Variants in TOM1L1 observed in about 807,000 individuals in gnomAD.
TOM1L1 encodes the protein target of myb1 like 1 membrane trafficking protein.
Under a neutral mutation model 63.4 loss-of-function variants are expected in TOM1L1, and 64 were observed. That is an observed-to-expected ratio of 1.01 (90% confidence interval 0.83 to 1.24). The LOEUF is 1.24. Among genes scored for constraint, TOM1L1 ranks in the 50% most tolerant of loss-of-function variants. TOM1L1 has a pLI of 0.00. For synonymous variants in TOM1L1, 166 were observed against 194.4 expected, an observed-to-expected ratio of 0.85 and a Z score of 1.22; for missense variants, 536 against 567.0, an observed-to-expected ratio of 0.95 and a Z score of 0.55.
intron 1 of TOM1L1, among the ~76,000 whole-genome samples, chr17:54,903,408 G>T: frequency 6.6e-6 from 1 of 152,236 alleles, no homozygotes; most frequent in East Asian, 1.9e-4. Flanking sequence ...CTAAGCCCTA[G>T]TTCCCTTCTC....
rs759789156 is a variant in TOM1L1 at position 54,915,799 on chromosome 17, G to A, written c.657G>A (p.Met219Ile). 5.0e-6 allele frequency: 8 copies of A among 1,613,268 alleles called. No homozygotes were observed. Among genetic ancestry groups the A allele is most frequent in the Non-Finnish European group, 6.8e-6 (8 of 1,179,710 alleles). ...LDMVKMNVRVMSAILMENTPG... is the reference protein window; with the variant it reads ...LDMVKMNVRVISAILMENTPG... ...TGGTGAAAATGAATGTGCGAGTGAT[G>A]TCCGCCATATTGATGGAGAATACTC... Residue 219 changes from methionine to isoleucine, a missense_variant, in exon 7 of 16, where the codon ATG becomes ATA. Coordinates refer to ENST00000575882, the MANE Select transcript of TOM1L1 (RefSeq NM_005486.3).
At chr17:54,925,718 A>C (rs1305572295) in intron 7 of TOM1L1, among the ~76,000 whole-genome samples, 2 of 152,216 alleles carry the variant, frequency 1.3e-5, no homozygotes, top group African/African-American at 4.8e-5. Flanking sequence ...AGCCTGGCCA[A>C]CATGGTGAAA....
At chr17:54,901,613 CCA>C (rs2048328673) in intron 1 of TOM1L1, among the ~76,000 whole-genome samples, 4 of 152,124 alleles carry the variant, frequency 2.6e-5, no homozygotes, top group African/African-American at 9.7e-5. Flanking sequence ...CCTACCAGCA[CCA>C]GCTCACTGCT....
intron 11 of TOM1L1, 48 bp downstream of exon 11, chr17:54,939,068 T>G: frequency 1.5e-6 from 2 of 1,292,142 alleles, no homozygotes; most frequent in South Asian, 2.6e-5. Context: ...ACATTTAGAT[T>G]CCTTACAATT....
intron 14 of TOM1L1, chr17:54,953,542 C>T (rs576132351): frequency 4.9e-4 from 75 of 152,454 alleles, no homozygotes; most frequent in African/African-American, 1.7e-3. Flanking sequence ...CTCCTTCCCT[C>T]TCTGGGGATG....
Position 54,961,488 on chromosome 17 carries a change from T to G in TOM1L1, c.*255T>G. 1 of 1,437,756 alleles carries G rather than the reference T, an allele frequency of 7.0e-7. No homozygotes were observed. Among genetic ancestry groups the G allele is most frequent in the Non-Finnish European group, 9.1e-7 (1 of 1,100,202 alleles). 89.1% of individuals were successfully genotyped at this position (1,437,756 alleles called of 1,614,324 possible). A position where few individuals can be genotyped will look rare whatever the true frequency, so the allele number is the denominator to read the frequency against. On this transcript the variant is annotated 3_prime_UTR_variant, in exon 16 of 16. Transcript: ENST00000575882. ...AAAACTTCAGCAGAAGAAAAATTAC[T>G]TAGTCCTTAGGCCAACCAATTTAAC...
chr17:54,922,117 C>T (rs1218223794), intron 7 of TOM1L1, among the ~76,000 whole-genome samples: 1 of 151,400 alleles, frequency 6.6e-6, no homozygotes, highest in African/African-American at 2.4e-5. Context: ...ACAGTGAAAC[C>T]CCATCTCTAC....
At chr17:54,916,794 G>A (rs1274239541) in intron 7 of TOM1L1, 2 of 152,150 alleles carry the variant, frequency 1.3e-5, no homozygotes, top group Non-Finnish European at 2.9e-5. Context: ...GTCGTGAATA[G>A]TTTGTTTTTT....
chr17:54,930,891 T>G (rs1403144674), intron 8 of TOM1L1, among the ~76,000 whole-genome samples: 3 of 151,830 alleles, frequency 2.0e-5, no homozygotes, highest in African/African-American at 7.3e-5. Context: ...AAAAATTAGC[T>G]GGGTGTGGTG....
intron 4 of TOM1L1, 152 bp downstream of exon 4, chr17:54,912,967 T>G: frequency 3.0e-6 from 2 of 663,010 alleles, no homozygotes; most frequent in Non-Finnish European, 4.3e-6. Context: ...TAATAATTTT[T>G]TGGCATTGGA....
chr17:54,914,478 T>G (rs2048553468), intron 5 of TOM1L1, among the ~76,000 whole-genome samples, 161 bp from the exon 6 acceptor site: 1 of 152,222 alleles, frequency 6.6e-6, no homozygotes, highest in African/African-American at 2.4e-5. Context: ...CTTAGCATTC[T>G]TCACAAAATG....
At chr17:54,909,821 T>G (rs1046533509) in intron 3 of TOM1L1, among the ~76,000 whole-genome samples, 11 of 152,224 alleles carry the variant, frequency 7.2e-5, no homozygotes, top group African/African-American at 2.7e-4. Flanking sequence ...GATTCTTATT[T>G]GTCTTATTTC....
chr17:54,935,849 G>A (rs746271470), intron 8 of TOM1L1, among the ~76,000 whole-genome samples: 11 of 152,132 alleles, frequency 7.2e-5, no homozygotes, highest in Admixed American at 4.6e-4. Flanking sequence ...AAGGCCGGGC[G>A]CGGTGGCTCA....
chr17:54,920,126 C>T (rs1297906841), intron 7 of TOM1L1, among the ~76,000 whole-genome samples: 3 of 152,004 alleles, frequency 2.0e-5, no homozygotes, highest in Admixed American at 6.5e-5. Context: ...ACAGTTAGAA[C>T]GCCCAGATAA....
chr17:54,954,755 G>T (rs1329284665), intron 14 of TOM1L1: 2 of 152,278 alleles, frequency 1.3e-5, no homozygotes, highest in East Asian at 3.9e-4. Flanking sequence ...TTCTAGAATT[G>T]GCAATATAGT....
chr17:54,943,582 T>C (rs2049067429), intron 11 of TOM1L1, among the ~76,000 whole-genome samples: 1 of 152,034 alleles, frequency 6.6e-6, no homozygotes, highest in Admixed American at 6.6e-5. Context: ...TATATGTTTA[T>C]ATATACATGT....
Position 54,915,920 on chromosome 17 carries a change from C to CT in TOM1L1, c.720+61dup, listed in dbSNP as rs761922903. The CT allele has an allele frequency of 2.9e-6, 4 of 1,388,706 alleles. No individual in the cohort carries two copies. In the African/African-American group the frequency reaches 4.3e-5, roughly 15 times the overall value. The allele number at this position is 1,388,706 out of a possible 1,614,324, so 86.0% of individuals were successfully genotyped here. ...GTGTCTCTTAAAGTTATTCTCTAAA[C>CT]TTTGAGTTTGGAGATGGAAGACACC... On this transcript the variant is annotated intron_variant, in intron 7 of 15. Transcript: ENST00000575882.
At chr17:54,944,641 G>T (rs1013531587) in intron 11 of TOM1L1, among the ~76,000 whole-genome samples, 1 of 152,088 alleles carries the variant, frequency 6.6e-6, no homozygotes, top group Non-Finnish European at 1.5e-5. Flanking sequence ...CCTCTATTTT[G>T]TCTGTTCCTG....
chr17:54,959,410 C>T (rs531272509), intron 14 of TOM1L1: 1 of 151,788 alleles, frequency 6.6e-6, no homozygotes, highest in Non-Finnish European at 1.5e-5. Context: ...CCTGGGAGGT[C>T]GAAGCTGCAA....
Sources: allele counts gnomAD v4.1 joint callset (sites outside exome capture counted in the v4.1 genomes callset), GRCh38; gene constraint gnomAD v4.1.1; transcripts MANE v1.5; gene names NCBI Gene and HGNC (gene_info 2026-07-23, HGNC 2026-07-21).